The following DLGAP2 variants were observed in gnomAD, a reference collection of about 807,000 sequenced individuals.
DLGAP2 encodes the protein DLG associated protein 2.
In DLGAP2, 26 loss-of-function variants were observed where a neutral mutation model predicts 100.3. The observed-to-expected ratio is 0.26, with a 90% CI of 0.19 to 0.36. The LOEUF (loss-of-function observed/expected upper bound fraction) is 0.36. Ranked by LOEUF, DLGAP2 falls within the 10% of genes least tolerant of loss-of-function variation. DLGAP2 has a pLI of 1.00. For missense variants in DLGAP2, 1,858 were observed against 1,453.2 expected, an observed-to-expected ratio of 1.28 and a Z score of -4.53; for synonymous variants, 886 against 630.1, an observed-to-expected ratio of 1.41 and a Z score of -6.08.
At chr8:1,626,091 C>G (rs1387745612) in intron 6 of DLGAP2, among the ~76,000 whole-genome samples, 1 of 142,084 alleles carries the variant, frequency 7.0e-6, no homozygotes, top group Non-Finnish European at 1.5e-5. Context: ...GGGTGCTCAG[C>G]CTCTGGGTGT....
chr8:856,824 C>T (rs1797287769), intron 1 of DLGAP2, among the ~76,000 whole-genome samples: 1 of 152,218 alleles, frequency 6.6e-6, no homozygotes, highest in Non-Finnish European at 1.5e-5. Context: ...ACATTCAGCG[C>T]AGTCCCCATC....
At chr8:1,308,385 C>T (rs1217173000) in intron 3 of DLGAP2, among the ~76,000 whole-genome samples, 1 of 152,212 alleles carries the variant, frequency 6.6e-6, no homozygotes, top group African/African-American at 2.4e-5. Flanking sequence ...CTTCAACAAT[C>T]AAAAACAGCC....
At chr8:959,397 G>C (rs995584923) in intron 2 of DLGAP2, among the ~76,000 whole-genome samples, 14 of 152,200 alleles carry the variant, frequency 9.2e-5, no homozygotes, top group African/African-American at 3.4e-4. Context: ...GCCCTGTCCT[G>C]TGAGAAACGC....
intron 3 of DLGAP2, among the ~76,000 whole-genome samples, chr8:1,434,550 C>T (rs893174502): frequency 7.2e-5 from 11 of 152,106 alleles, no homozygotes; most frequent in African/African-American, 2.4e-4. Context: ...AATCTTGGCT[C>T]ACTGCAGGCT....
At chr8:1,192,768 C>T (rs914171562) in intron 2 of DLGAP2, among the ~76,000 whole-genome samples, 3 of 151,650 alleles carry the variant, frequency 2.0e-5, no homozygotes, top group Non-Finnish European at 2.9e-5. Context: ...GTGTGCTGCA[C>T]CCATTAACTC....
chr8:1,264,857 G>A (rs1408796573), intron 3 of DLGAP2, among the ~76,000 whole-genome samples: 1 of 152,136 alleles, frequency 6.6e-6, no homozygotes, highest in Non-Finnish European at 1.5e-5. Flanking sequence ...TGAATCATGA[G>A]GGTGAGTCTT....
chr8:1,460,579 T>C (rs1205944775), intron 3 of DLGAP2, among the ~76,000 whole-genome samples: 1 of 152,198 alleles, frequency 6.6e-6, no homozygotes, highest in Non-Finnish European at 1.5e-5. Context: ...TCACTGATGG[T>C]TTTCGTGACA....
intron 1 of DLGAP2, among the ~76,000 whole-genome samples, chr8:750,391 T>C (rs547991312): frequency 2.6e-5 from 4 of 152,218 alleles, no homozygotes; most frequent in Non-Finnish European, 5.9e-5. Flanking sequence ...AATGAAAACA[T>C]TTCGAATCTT....
intron 3 of DLGAP2, among the ~76,000 whole-genome samples, chr8:1,455,557 C>G (rs1392963416): frequency 1.3e-5 from 2 of 152,246 alleles, no homozygotes; most frequent in African/African-American, 4.8e-5. Flanking sequence ...CAGAGGCTTG[C>G]CAGGACCTTT....
At chr8:970,377 A>G (rs377705621) in intron 2 of DLGAP2, among the ~76,000 whole-genome samples, 1 of 152,234 alleles carries the variant, frequency 6.6e-6, no homozygotes, top group African/African-American at 2.4e-5. Context: ...TAGCAAACCT[A>G]CAAAGACACA....
At chr8:834,148 C>T (rs947663199) in intron 1 of DLGAP2, among the ~76,000 whole-genome samples, 1 of 152,168 alleles carries the variant, frequency 6.6e-6, no homozygotes, top group Admixed American at 6.5e-5. Context: ...AGGATGCGAT[C>T]CTATTCAGTC....
At chr8:796,323 A>G (rs888910251) in intron 1 of DLGAP2, among the ~76,000 whole-genome samples, 1 of 151,928 alleles carries the variant, frequency 6.6e-6, no homozygotes, top group African/African-American at 2.4e-5. Context: ...TCATCTGGCC[A>G]CTCGCTCCTG....
rs1403213902 is a variant in DLGAP2 at position 810,160 on chromosome 8, T to C, written c.18+72335T>C. On this transcript the variant is annotated intron_variant, in intron 1 of 14. Coordinates refer to ENST00000637795, the MANE Select transcript of DLGAP2 (RefSeq NM_001346810.2). ...TCCTCACCCTCCTCTCTCTGGAACA[T>C]GTGGACTTTCCACAGTGAATCTCAT... Among the ~76,000 whole-genome samples, 10 of 152,236 alleles carry C rather than the reference T, an allele frequency of 6.6e-5. 1 individual carries two copies. Among genetic ancestry groups the C allele is most frequent in the African/African-American group, 2.4e-4 (10 of 41,464 alleles).
intron 2 of DLGAP2, among the ~76,000 whole-genome samples, chr8:1,132,260 G>T (rs543737050): frequency 1.6e-4 from 24 of 152,270 alleles, no homozygotes; most frequent in African/African-American, 5.8e-4. Flanking sequence ...TGTTTTTGGT[G>T]ATTTTTATTG....
chr8:1,091,916 G>T (rs1392574672), intron 2 of DLGAP2, among the ~76,000 whole-genome samples: 1 of 152,086 alleles, frequency 6.6e-6, no homozygotes, highest in Non-Finnish European at 1.5e-5. Context: ...CCACATCCCA[G>T]GCTGGGGTGT....
At chr8:1,518,400 T>C (rs1050436145) in intron 4 of DLGAP2, among the ~76,000 whole-genome samples, 2 of 152,206 alleles carry the variant, frequency 1.3e-5, no homozygotes, top group Admixed American at 6.5e-5. Flanking sequence ...TAAGATGGAC[T>C]TTTAAATACA....
intron 3 of DLGAP2, among the ~76,000 whole-genome samples, chr8:1,349,628 TCCC>T (rs1801659571): frequency 1.1e-3 from 104 of 95,932 alleles, no homozygotes; most frequent in Middle Eastern, 6.3e-3. Flanking sequence ...GTCATGAGCC[TCCC>T]GCCCACATCC....
intron 3 of DLGAP2, among the ~76,000 whole-genome samples, chr8:1,284,723 C>T (rs1799888604): frequency 6.6e-6 from 1 of 152,196 alleles, no homozygotes; most frequent in Non-Finnish European, 1.5e-5. Flanking sequence ...CTGACCCTCC[C>T]ACCTCAGCCT....
At position 1,430,011 on chromosome 8, in the gene DLGAP2, TATATATATATATATATAC is replaced by T. The variant is rs1554467366; in HGVS notation, c.107-71353_107-71336del. On this transcript the variant is annotated intron_variant, in intron 3 of 14. Coordinates refer to ENST00000637795, the MANE Select transcript of DLGAP2 (RefSeq NM_001346810.2). ...GGGGAGAGATGCATATATATACATA[TATATATATATATATATAC>T]ACACACACACATATGAACTTAGAAT... 9.4e-5 allele frequency among the ~76,000 whole-genome samples: 6 copies of T among 63,966 alleles called. 1 individual carries two copies. The highest frequency in any genetic ancestry group is 5.0e-4 in the South Asian group (1 of 2,020). The allele number at this position is 63,966 out of a possible 152,430, so 42.0% of individuals were successfully genotyped here.
Sources: allele counts gnomAD v4.1 joint callset (sites outside exome capture counted in the v4.1 genomes callset), GRCh38; gene constraint gnomAD v4.1.1; transcripts MANE v1.5; gene names NCBI Gene and HGNC (gene_info 2026-07-23, HGNC 2026-07-21).